ZNF468: variants seen among roughly 807,000 people sequenced by gnomAD.
ZNF468 encodes zinc finger protein 468, also known as zinc finger protein ZNF468.
Under a neutral mutation model 7.2 loss-of-function variants are expected in ZNF468, and 8 were observed. The ratio of observed to expected loss-of-function variants is 1.11; its 90% CI spans 0.65 to 2.01. The LOEUF is 2.01. Among genes scored for constraint, ZNF468 ranks in the 30% most tolerant of loss-of-function variants. The pLI, the probability that ZNF468 is intolerant of heterozygous loss-of-function variation, is 0.00. For missense variants in ZNF468, 608 were observed against 626.5 expected (o/e 0.97, Z 0.31); for synonymous variants, 218 against 214.4 (o/e 1.02, Z -0.15).
intron 2 of ZNF468, among the ~76,000 whole-genome samples, chr19:52,853,572 C>A (rs13345013): frequency 2.1e-5 from 3 of 142,394 alleles, no homozygotes; most frequent in African/African-American, 5.4e-5. Flanking sequence ...ACACCTATAA[C>A]CCCAGCTACT....
At chr19:52,856,993 G>A (rs564528230) in intron 1 of ZNF468, among the ~76,000 whole-genome samples, 1 of 152,154 alleles carries the variant, frequency 6.6e-6, no homozygotes, top group African/African-American at 2.4e-5. Flanking sequence ...CTGGAGCTGG[G>A]CGGGCAAGAA....
At chr19:52,850,791 C>G (rs1402596803) in intron 2 of ZNF468, among the ~76,000 whole-genome samples, 1 of 151,566 alleles carries the variant, frequency 6.6e-6, no homozygotes, top group African/African-American at 2.4e-5. Context: ...CCCAGCTACT[C>G]GGGAGGCTGA....
At chr19:52,849,504 T>A (rs1435304804) in intron 2 of ZNF468, 4 of 483,296 alleles carry the variant, frequency 8.3e-6, no homozygotes, top group African/African-American at 6.1e-5. Context: ...TTTGAAACTT[T>A]TATAGACACA....
At position 52,841,630 on chromosome 19, in the gene ZNF468, T is replaced by C. The variant is rs771981710; in HGVS notation, c.664A>G (p.Lys222Glu). The part of the protein sequence containing the change: ...EKSFECIQSF[K>E]SFNCSSLLKK... Reference sequence around the variant, plus strand: ...AAGAGTGAGCTGCAATTAAAGGATTTGAAGCTCTGTATACATTCAAAAGAT... The same window carrying C: ...AAGAGTGAGCTGCAATTAAAGGATTCGAAGCTCTGTATACATTCAAAAGAT... The change falls in exon 4 of 4, where the codon AAA (lysine) becomes GAA (glutamate). Residue 222 changes from lysine to glutamate, a missense_variant. Coordinates refer to ENST00000595646, the MANE Select transcript of ZNF468 (RefSeq NM_001008801.2). The C allele has an allele frequency of 1.2e-6, 2 of 1,614,072 alleles. No individual in the cohort carries two copies. The highest frequency in any genetic ancestry group is 2.2e-5 in the East Asian group (1 of 44,854).
chr19:52,855,158 G>A (rs532709979), intron 1 of ZNF468, among the ~76,000 whole-genome samples: 14 of 150,114 alleles, frequency 9.3e-5, no homozygotes, highest in African/African-American at 3.4e-4. Flanking sequence ...CAGCCCGGAG[G>A]ACAGAGTGAG....
At chr19:52,853,882 G>A (rs960267232) in intron 2 of ZNF468, 45 of 1,262,796 alleles carry the variant, frequency 3.6e-5, no homozygotes, top group Admixed American at 7.3e-5. Context: ...CACGTACTTC[G>A]TGCATATTAA....
intron 2 of ZNF468, among the ~76,000 whole-genome samples, chr19:52,851,349 G>A (rs574605496): frequency 1.4e-3 from 211 of 152,178 alleles, no homozygotes; most frequent in Non-Finnish European, 2.3e-3. Context: ...GGCTGAGGTG[G>A]GCATATCACG....
chr19:52,841,124 T>C lies in ZNF468; in HGVS notation c.1170A>G (p.Lys390=). 6.2e-7 allele frequency: 1 copy of C among 1,613,122 alleles called. No homozygotes were observed. The highest frequency in any genetic ancestry group is 8.5e-7 in the Non-Finnish European group (1 of 1,179,670). ...CAAGGTGTGATTTGCGACTGAAAAC[T>C]TTGTCACACTCTTCACATTTGTAAG... ...EKPYKCEECD[K]VFSRKSHLER... is the part of the protein sequence containing the mutation. The change falls in exon 4 of 4, where the codon AAA becomes AAG. Residue 390 remains lysine, a synonymous_variant. Coordinates refer to ENST00000595646, the MANE Select transcript of ZNF468 (RefSeq NM_001008801.2).
chr19:52,856,238 T>C (rs374695259), intron 1 of ZNF468, among the ~76,000 whole-genome samples: 4 of 152,158 alleles, frequency 2.6e-5, no homozygotes, highest in East Asian at 3.9e-4. Context: ...AATACATGGG[T>C]GGACAGCTGA....
chr19:52,843,604 A>T (rs1348592176), intron 3 of ZNF468, among the ~76,000 whole-genome samples: 5 of 152,158 alleles, frequency 3.3e-5, no homozygotes, highest in African/African-American at 1.2e-4. Flanking sequence ...TCATATATAA[A>T]TTCATAAAAA....
intron 3 of ZNF468, among the ~76,000 whole-genome samples, chr19:52,845,642 G>C (rs10404247): frequency 0.18 from 26,769 of 151,900 alleles, 2,671 homozygotes; most frequent in Admixed American, 0.3. Flanking sequence ...CCGGGCAAGA[G>C]AGTGAGACTC....
At chr19:52,848,448 G>A (rs4801939) in intron 3 of ZNF468, among the ~76,000 whole-genome samples, 79,681 of 151,986 alleles carry the variant, frequency 0.52, 22,600 homozygotes, top group African/African-American at 0.74. Context: ...AGGGAGCACT[G>A]TAATATGTAA....
intron 1 of ZNF468, 44 bp from the exon 2 acceptor site, chr19:52,854,389 C>G: frequency 6.5e-7 from 1 of 1,544,980 alleles, no homozygotes; most frequent in Non-Finnish European, 8.9e-7. Context: ...AATCAACACA[C>G]CCCCTCCCTT....
rs888868903 is a variant in ZNF468 at position 52,838,237 on chromosome 19, C to G, written c.*2488G>C. The G allele has an allele frequency of 6.6e-6, 1 of 152,064 alleles. No individual in the cohort carries two copies. The highest frequency in any genetic ancestry group is 6.6e-5 in the Admixed American group (1 of 15,264). 9.4% of individuals were successfully genotyped at this position (152,064 alleles called of 1,614,324 possible). A position where few individuals can be genotyped will look rare whatever the true frequency, so the allele number is the denominator to read the frequency against. On this transcript the variant is annotated 3_prime_UTR_variant, in exon 4 of 4. Coordinates refer to ENST00000595646, the MANE Select transcript of ZNF468 (RefSeq NM_001008801.2). ...ATCAATGTGATATACCACTTGAACA[C>G]AATGAAAGATGAAAACCACATCATC...
intron 2 of ZNF468, among the ~76,000 whole-genome samples, chr19:52,852,628 A>G (rs767855285): frequency 3.3e-5 from 5 of 151,488 alleles, no homozygotes; most frequent in Non-Finnish European, 7.4e-5. Flanking sequence ...GTGAGCCGAG[A>G]TCACACCACT....
At chr19:52,850,165 A>G (rs1193619000) in intron 2 of ZNF468, among the ~76,000 whole-genome samples, 1 of 152,118 alleles carries the variant, frequency 6.6e-6, no homozygotes, top group African/African-American at 2.4e-5. Context: ...AAAAATATAA[A>G]AAGTAGCAAG....
chr19:52,853,416 T>G (rs1253325976), intron 2 of ZNF468, among the ~76,000 whole-genome samples: 1 of 152,140 alleles, frequency 6.6e-6, no homozygotes, highest in Non-Finnish European at 1.5e-5. Context: ...GGGCTGGGCA[T>G]GATGGCTTGC....
chr19:52,848,473 G>C (rs1395663429), intron 3 of ZNF468, among the ~76,000 whole-genome samples: 1 of 152,188 alleles, frequency 6.6e-6, no homozygotes, highest in Non-Finnish European at 1.5e-5. Flanking sequence ...TGGACATCAA[G>C]CTCTCTTCCA....
chr19:52,841,779 G>A lies in ZNF468; in HGVS notation c.515C>T (p.Ser172Phe), dbSNP rs2063304315. ...AATTCTTTGGGATGTTGAAACTGAG[G>A]AAGCATTGTTGATAGACTTCTCAAC... ...NQVEKSINNA[S>F]SVSTSQRICC... is the part of the protein sequence containing the mutation. Residue 172 changes from serine to phenylalanine, a missense_variant, in exon 4 of 4, where the codon TCC becomes TTC. Transcript: ENST00000595646. The A allele has an allele frequency of 5.6e-6, 9 of 1,614,076 alleles. No homozygotes were observed. The highest frequency in any genetic ancestry group is 7.6e-6 in the Non-Finnish European group (9 of 1,179,984).
Sources: gnomAD v4.1 joint callset for allele counts (sites outside exome capture counted in the v4.1 genomes callset) on GRCh38, gnomAD v4.1.1 for gene constraint, MANE v1.5 for transcripts, NCBI Gene and HGNC (gene_info 2026-07-23, HGNC 2026-07-21) for gene names.